MED13: variants seen among roughly 807,000 people sequenced by gnomAD.
The protein encoded by MED13 is mediator complex subunit 13.
In MED13, 23 loss-of-function variants were observed where a neutral mutation model predicts 225.2. The ratio of observed to expected loss-of-function variants is 0.10; its 90% confidence interval spans 0.07 to 0.14. The LOEUF (loss-of-function observed/expected upper bound fraction) is 0.14. MED13 is among the 10% of genes least tolerant of loss of function. The pLI, the probability that MED13 is intolerant of heterozygous loss-of-function variation, is 1.00. For missense variants in MED13, 2,197 were observed against 2,594.5 expected (o/e 0.85, Z 3.33); for synonymous variants, 942 against 889.2 (o/e 1.06, Z -1.06).
Position 62,063,235 on chromosome 17 carries a change from A to ACAGAATAGG in MED13, c.124_132dup (p.Pro42_Leu44dup). On this transcript the variant is annotated inframe_insertion, in exon 2 of 30. Transcript: ENST00000397786. ...ATGGGGTCTTCTTCTGTCACAGGAA[A>ACAGAATAGG]CAGAATAGGGGCAGAAGTTGGGCCT... 2 of 1,614,178 alleles carry ACAGAATAGG rather than the reference A, an allele frequency of 1.2e-6. No homozygotes were observed. The highest frequency in any genetic ancestry group is 1.7e-6 in the Non-Finnish European group (2 of 1,180,024).
At chr17:61,964,970 T>C (rs1440580244) in intron 20 of MED13, 36 bp downstream of exon 20, 31 of 1,568,146 alleles carry the variant, frequency 2.0e-5, no homozygotes, top group Non-Finnish European at 2.7e-5. Flanking sequence ...ATCATAGTTT[T>C]TATATTTCTG....
chr17:61,955,858 A>ATT lies in MED13; in HGVS notation c.5624-21_5624-20insAA. On this transcript the variant is annotated intron_variant, in intron 24 of 29. Coordinates refer to ENST00000397786, the MANE Select transcript of MED13 (RefSeq NM_005121.3). The stretch of plus-strand genomic sequence containing the variant: ...TCCAATCTGTGGGTATCAACAGTAA[A>ATT]AAAAAAAAAAAAAAAAAAAAAAATC... The ATT allele has an allele frequency of 1.1e-6, 1 of 889,604 alleles. No individual in the cohort carries two copies. The highest frequency in any genetic ancestry group is 1.5e-6 in the Non-Finnish European group (1 of 668,622). 55.1% of individuals were successfully genotyped at this position (889,604 alleles called of 1,614,324 possible).
intron 2 of MED13, among the ~76,000 whole-genome samples, chr17:62,055,402 A>C (rs1603410142): frequency 1.3e-5 from 2 of 152,152 alleles, no homozygotes; most frequent in South Asian, 4.1e-4. Context: ...AAAAACAAAA[A>C]AAAAAACCTT....
chr17:62,062,578 AACACACACACACACACACACACCAC>A lies in MED13; in HGVS notation c.301+464_301+488del, dbSNP rs1451703270. On this transcript the variant is annotated intron_variant, in intron 2 of 29. Transcript: ENST00000397786. ...GACAATAACAAAATACATGCCTTAAAACACACACACACACACACACACCACACACACACACACACACACACACACG... is the reference window on the plus strand; with the variant it reads ...GACAATAACAAAATACATGCCTTAAAACACACACACACACACACACACACG... Among the ~76,000 whole-genome samples, 40 of 134,668 alleles carry A rather than the reference AACACACACACACACACACACACCAC, an allele frequency of 3.0e-4. No homozygotes were observed. The South Asian group carries it at 5.7e-3, about 19-fold the overall frequency. The allele number at this position is 134,668 out of a possible 152,430, so 88.3% of individuals were successfully genotyped here. A position where few individuals can be genotyped will look rare whatever the true frequency, so the allele number is the denominator to read the frequency against.
chr17:62,052,275 TAA>T (rs754928418), intron 3 of MED13, among the ~76,000 whole-genome samples: 1 of 152,046 alleles, frequency 6.6e-6, no homozygotes, highest in Non-Finnish European at 1.5e-5. Context: ...CATCCCACAT[TAA>T]GTCTATCATC....
chr17:62,023,325 AGAGGAAAGT>A (rs1312101832), intron 8 of MED13, among the ~76,000 whole-genome samples: 3 of 152,174 alleles, frequency 2.0e-5, no homozygotes, highest in Admixed American at 6.5e-5. Flanking sequence ...TATACAAAAC[AGAGGAAAGT>A]GAGGAAACCC....
intron 5 of MED13, among the ~76,000 whole-genome samples, chr17:62,033,107 C>T (rs1041391679): frequency 6.6e-6 from 1 of 151,918 alleles, no homozygotes; most frequent in Non-Finnish European, 1.5e-5. Flanking sequence ...GAGCCAAGAT[C>T]GCGCCATTGC....
intron 3 of MED13, among the ~76,000 whole-genome samples, chr17:62,039,811 C>G (rs1286290514): frequency 6.6e-6 from 1 of 152,044 alleles, no homozygotes; most frequent in South Asian, 2.1e-4. Flanking sequence ...ATTGGCCAGA[C>G]TGGTCTTGAA....
At chr17:61,970,960 G>T (rs114222057) in intron 17 of MED13, among the ~76,000 whole-genome samples, 267 of 151,870 alleles carry the variant, frequency 1.8e-3, no homozygotes, top group African/African-American at 6.1e-3. Flanking sequence ...AGGAGGTTAT[G>T]GCTGCAGTGA....
chr17:61,995,472 C>A, intron 9 of MED13, 107 bp from the exon 10 acceptor site: 1 of 661,504 alleles, frequency 1.5e-6, no homozygotes, highest in East Asian at 3.0e-5. Flanking sequence ...GATTATCTAA[C>A]CTACAATCCC....
intron 16 of MED13, among the ~76,000 whole-genome samples, chr17:61,974,436 A>G (rs376236026): frequency 6.6e-6 from 1 of 152,254 alleles, no homozygotes; most frequent in East Asian, 1.9e-4. Context: ...GATCACAAAA[A>G]AATACCTATC....
intron 3 of MED13, among the ~76,000 whole-genome samples, chr17:62,039,239 G>A (rs7207930): frequency 0.38 from 57,595 of 151,990 alleles, 13,509 homozygotes; most frequent in East Asian, 0.73. Flanking sequence ...GTAACATTCA[G>A]TGGTTTAAAA....
chr17:62,006,000 A>G (rs1012599031), intron 9 of MED13: 1 of 152,214 alleles, frequency 6.6e-6, no homozygotes, highest in Non-Finnish European at 1.5e-5. Flanking sequence ...TTTAACAGAG[A>G]ATAAATCTCT....
intron 10 of MED13, among the ~76,000 whole-genome samples, chr17:61,994,164 A>G (rs1399595473): frequency 6.6e-6 from 1 of 151,942 alleles, no homozygotes; most frequent in African/African-American, 2.4e-5. Context: ...GCACCCAGCT[A>G]ATTTTTGTGA....
chr17:62,030,132 A>G (rs1370410045), intron 6 of MED13, 119 bp from the exon 7 acceptor site: 5 of 985,454 alleles, frequency 5.1e-6, no homozygotes, highest in East Asian at 5.8e-5. Context: ...AAAATTATTT[A>G]TATTTTGAGA....
Position 61,945,504 on chromosome 17 carries a change from A to G in MED13, c.*964T>C, listed in dbSNP as rs2143263348. On this transcript the variant is annotated 3_prime_UTR_variant, in exon 30 of 30. Transcript: ENST00000397786. ...CAGTAGCAAATGGTTTTTCTTGTAAAACTAAGTTTCTTTCACCGGAAATGG... is the reference window on the plus strand; with the variant it reads ...CAGTAGCAAATGGTTTTTCTTGTAAGACTAAGTTTCTTTCACCGGAAATGG... 1 of 152,744 alleles carries G rather than the reference A, an allele frequency of 6.5e-6. No homozygotes were observed. The highest frequency in any genetic ancestry group is 6.5e-5 in the Admixed American group (1 of 15,292). The allele number at this position is 152,744 out of a possible 1,614,324, so 9.5% of individuals were successfully genotyped here.
rs1376729253 is a variant in MED13 at position 62,015,952 on chromosome 17, ATATTTTTTTTTTTTTTTTT to A, written c.1284-4738_1284-4720del. On this transcript the variant is annotated intron_variant, in intron 8 of 29. Transcript: ENST00000397786. Reference sequence around the variant, plus strand: ...TATATATATATATATATATATATATATATTTTTTTTTTTTTTTTTTTTTTTTTTTTTAGTAGAGACCGGT... The same window carrying A: ...TATATATATATATATATATATATATATTTTTTTTTTTTAGTAGAGACCGGT... Among the ~76,000 whole-genome samples the A allele has an allele frequency of 4.7e-4, 5 of 10,636 alleles. 2 individuals carry two copies. The East Asian group carries it at 0.026, about 56-fold the overall frequency. The allele number at this position is 10,636 out of a possible 152,430, so 7.0% of individuals were successfully genotyped here. A position where few individuals can be genotyped will look rare whatever the true frequency, so the allele number is the denominator to read the frequency against.
chr17:62,057,333 C>G (rs2081003456), intron 2 of MED13, among the ~76,000 whole-genome samples: 1 of 151,754 alleles, frequency 6.6e-6, no homozygotes, highest in South Asian at 2.1e-4. Flanking sequence ...TTATCTATGG[C>G]AAAACTTGAA....
rs1413065416 is a variant in MED13 at position 61,956,224 on chromosome 17, T to C, written c.5623+115A>G. ...CCATTTGTGGCCTAGACATATGTGG[T>C]TCCTTATTTGATAACCTTTGCATTT... On this transcript the variant is annotated intron_variant, in intron 24 of 29. Coordinates refer to ENST00000397786, the MANE Select transcript of MED13 (RefSeq NM_005121.3). 4.9e-6 allele frequency: 5 copies of C among 1,030,562 alleles called. No individual in the cohort carries two copies. In the African/African-American group the frequency reaches 6.6e-5, roughly 14 times the overall value. The allele number at this position is 1,030,562 out of a possible 1,614,324, so 63.8% of individuals were successfully genotyped here. A position where few individuals can be genotyped will look rare whatever the true frequency, so the allele number is the denominator to read the frequency against.
Sources: gnomAD v4.1 joint callset for allele counts (sites outside exome capture counted in the v4.1 genomes callset) on GRCh38, gnomAD v4.1.1 for gene constraint, MANE v1.5 for transcripts, NCBI Gene and HGNC (gene_info 2026-07-23, HGNC 2026-07-21) for gene names.